HUNK: variants seen among roughly 807,000 people sequenced by gnomAD.
HUNK encodes the protein hormonally up-regulated neu tumor-associated kinase.
Under a neutral mutation model 61.0 loss-of-function variants are expected in HUNK, and 21 were observed. That is an observed-to-expected ratio of 0.34 (90% CI 0.24 to 0.50). The LOEUF (loss-of-function observed/expected upper bound fraction) is 0.50. HUNK is among the 20% of genes least tolerant of loss of function. The pLI is 0.98. For missense variants in HUNK, 772 were observed against 945.7 expected (o/e 0.82, Z 2.41); for synonymous variants, 371 against 386.1 (o/e 0.96, Z 0.46).
chr21:31,946,498 G>A (rs957835087), intron 4 of HUNK, among the ~76,000 whole-genome samples: 11 of 152,116 alleles, frequency 7.2e-5, no homozygotes, highest in Non-Finnish European at 1.6e-4. Flanking sequence ...TCTGTGTGAA[G>A]CTCCATCCTG....
intron 2 of HUNK, among the ~76,000 whole-genome samples, chr21:31,925,376 A>G (rs1333554339): frequency 2.6e-5 from 4 of 152,200 alleles, no homozygotes; most frequent in African/African-American, 4.8e-5. Flanking sequence ...AGCTTGGGAC[A>G]GTGTTTGTTA....
chr21:31,907,846 C>T (rs1033897784), intron 1 of HUNK, among the ~76,000 whole-genome samples: 3 of 151,974 alleles, frequency 2.0e-5, no homozygotes, highest in Non-Finnish European at 4.4e-5. Flanking sequence ...AAAAATTAGC[C>T]AGGCGTGGTG....
intron 4 of HUNK, among the ~76,000 whole-genome samples, chr21:31,946,396 G>A (rs2052803555): frequency 6.6e-6 from 1 of 152,100 alleles, no homozygotes; most frequent in Non-Finnish European, 1.5e-5. Flanking sequence ...GCTGAGAAGA[G>A]AAGAAAACCA....
intron 1 of HUNK, among the ~76,000 whole-genome samples, chr21:31,911,639 G>T (rs1472155074): frequency 6.6e-6 from 1 of 152,102 alleles, no homozygotes; most frequent in Non-Finnish European, 1.5e-5. Flanking sequence ...CTCTAGATTC[G>T]CTGCTCTGGA....
intron 4 of HUNK, among the ~76,000 whole-genome samples, chr21:31,954,975 G>T (rs543726658): frequency 2.4e-4 from 37 of 152,094 alleles, no homozygotes; most frequent in African/African-American, 8.4e-4. Context: ...TAGAAATGGG[G>T]TCTCACCATG....
chr21:31,997,106 G>A (rs979154521), intron 10 of HUNK, among the ~76,000 whole-genome samples: 6 of 152,274 alleles, frequency 3.9e-5, no homozygotes, highest in Non-Finnish European at 5.9e-5. Context: ...CCAGTGGGCA[G>A]GAGCTTGCTC....
chr21:31,969,496 A>G (rs2052995211), intron 6 of HUNK, among the ~76,000 whole-genome samples: 1 of 152,126 alleles, frequency 6.6e-6, no homozygotes, highest in African/African-American at 2.4e-5. Context: ...AGGAGCACTG[A>G]TGGGCTCCCT....
At chr21:31,881,284 A>C (rs896723999) in intron 1 of HUNK, among the ~76,000 whole-genome samples, 1 of 152,210 alleles carries the variant, frequency 6.6e-6, no homozygotes, top group African/African-American at 2.4e-5. Context: ...ATGAGTGGTC[A>C]TCATTTCCAT....
At chr21:31,974,386 T>A in intron 6 of HUNK, 169 bp from the exon 7 acceptor site, 1 of 566,246 alleles carries the variant, frequency 1.8e-6, no homozygotes, top group Non-Finnish European at 3.0e-6. Context: ...ATACATAAAG[T>A]GATTGTACTA....
chr21:31,954,842 C>T (rs11702411), intron 4 of HUNK, among the ~76,000 whole-genome samples: 1 of 152,066 alleles, frequency 6.6e-6, no homozygotes, highest in Non-Finnish European at 1.5e-5. Context: ...AGTGCAGTGG[C>T]ACACTTACAT....
chr21:31,990,301 G>C, intron 9 of HUNK, 125 bp downstream of exon 9: 1 of 911,042 alleles, frequency 1.1e-6, no homozygotes, highest in Non-Finnish European at 1.7e-6. Flanking sequence ...ACAGTTTTGT[G>C]GGGGTTGGCT....
chr21:31,880,905 C>G (rs1411022404), intron 1 of HUNK, among the ~76,000 whole-genome samples: 2 of 152,244 alleles, frequency 1.3e-5, no homozygotes, highest in African/African-American at 2.4e-5. Context: ...CAATACCGCT[C>G]TCAGCCAAAG....
intron 1 of HUNK, among the ~76,000 whole-genome samples, chr21:31,918,026 G>T (rs891251872): frequency 2.0e-5 from 3 of 152,150 alleles, no homozygotes; most frequent in Non-Finnish European, 2.9e-5. Flanking sequence ...GTCAGTGTTA[G>T]CTTTGTTTTG....
At chr21:31,963,983 G>A (rs1362239964) in intron 5 of HUNK, among the ~76,000 whole-genome samples, 6 of 152,158 alleles carry the variant, frequency 3.9e-5, no homozygotes, top group African/African-American at 1.4e-4. Flanking sequence ...TAAGCTTCGA[G>A]GGCCTTTCTA....
At chr21:31,900,625 TAAC>T (rs1198897105) in intron 1 of HUNK, among the ~76,000 whole-genome samples, 1 of 152,182 alleles carries the variant, frequency 6.6e-6, no homozygotes, top group Non-Finnish European at 1.5e-5. Flanking sequence ...CTGGCTCTCT[TAAC>T]AACAGCACTC....
intron 6 of HUNK, among the ~76,000 whole-genome samples, chr21:31,970,153 A>T (rs921862686): frequency 6.6e-6 from 1 of 152,142 alleles, no homozygotes; most frequent in Admixed American, 6.5e-5. Flanking sequence ...AATGCCTAGG[A>T]AGGTCTAGAA....
chr21:31,955,094 C>T (rs984014808), intron 4 of HUNK, among the ~76,000 whole-genome samples: 7 of 152,076 alleles, frequency 4.6e-5, no homozygotes, highest in African/African-American at 1.7e-4. Flanking sequence ...GCTGAATGTG[C>T]ATTTTCAACA....
chr21:31,958,134 C>G (rs2052901906), intron 4 of HUNK, among the ~76,000 whole-genome samples: 1 of 152,064 alleles, frequency 6.6e-6, no homozygotes, highest in South Asian at 2.1e-4. Flanking sequence ...GTCTGGGCCT[C>G]CTTGTTGTTG....
At chr21:31,960,666 C>T (rs540764133) in intron 5 of HUNK, among the ~76,000 whole-genome samples, 5 of 152,094 alleles carry the variant, frequency 3.3e-5, no homozygotes, top group South Asian at 2.1e-4. Context: ...CAGGGAAGAG[C>T]GCTTGTGCAG....
Sources: allele counts gnomAD v4.1 joint callset (sites outside exome capture counted in the v4.1 genomes callset), GRCh38; gene constraint gnomAD v4.1.1; transcripts MANE v1.5; gene names NCBI Gene and HGNC (gene_info 2026-07-23, HGNC 2026-07-21).